Variants in RNGTT observed in about 807,000 individuals in gnomAD.
RNGTT encodes the protein RNA guanylyltransferase and 5'-phosphatase, also known as mRNA-capping enzyme.
Under a neutral mutation model 79.3 loss-of-function variants are expected in RNGTT, and 33 were observed. That is an observed-to-expected ratio of 0.42 (90% CI 0.32 to 0.56). RNGTT has a LOEUF of 0.56. RNGTT is among the 20% of genes least tolerant of loss of function. The pLI is 0.17. For synonymous variants in RNGTT, 222 were observed against 235.9 expected (o/e 0.94, Z 0.54); for missense variants, 497 against 739.1 (o/e 0.67, Z 3.80).
chr6:88,837,866 A>C (rs1781135207), intron 11 of RNGTT, among the ~76,000 whole-genome samples: 1 of 152,200 alleles, frequency 6.6e-6, no homozygotes, highest in East Asian at 1.9e-4. Context: ...AAACACCAGA[A>C]GCATTCCCAC....
In RNGTT at chr6:88,733,005, T is replaced by C. The variant is rs1777164538; in HGVS notation, c.1439+36769A>G. On this transcript the variant is annotated intron_variant, in intron 13 of 15. Coordinates refer to ENST00000369485, the MANE Select transcript of RNGTT (RefSeq NM_003800.5). ...AAAAAAATGAAGAAAGGAAATACAG[T>C]AAGTCAAATTCACTGCAAGAGAAAT... Among the ~76,000 whole-genome samples the C allele has an allele frequency of 2.6e-5, 4 of 152,312 alleles. No individual in the cohort carries two copies. In the South Asian group the frequency reaches 8.3e-4, roughly 32 times the overall value.
intron 13 of RNGTT, among the ~76,000 whole-genome samples, chr6:88,752,421 A>C (rs932119437): frequency 6.6e-6 from 1 of 152,168 alleles, no homozygotes; most frequent in Non-Finnish European, 1.5e-5. Context: ...CAATAAAAAT[A>C]TAGGAATTTC....
At chr6:88,777,562 T>A (rs926211652) in intron 12 of RNGTT, among the ~76,000 whole-genome samples, 13 of 152,212 alleles carry the variant, frequency 8.5e-5, no homozygotes, top group Non-Finnish European at 1.8e-4. Flanking sequence ...TTCTTTTTGA[T>A]GCTATTGTAA....
At chr6:88,673,043 C>T (rs961227587) in intron 14 of RNGTT, among the ~76,000 whole-genome samples, 1 of 152,128 alleles carries the variant, frequency 6.6e-6, no homozygotes, top group Non-Finnish European at 1.5e-5. Flanking sequence ...TCTTTCTTTT[C>T]TCTTTCTGAC....
intron 11 of RNGTT, among the ~76,000 whole-genome samples, chr6:88,802,651 G>A (rs1779828611): frequency 6.6e-6 from 1 of 152,126 alleles, no homozygotes; most frequent in South Asian, 2.1e-4. Flanking sequence ...ACATGGCTGG[G>A]GTGGCCTCAC....
At chr6:88,943,243 C>T (rs1363099906) in intron 1 of RNGTT, among the ~76,000 whole-genome samples, 1 of 152,210 alleles carries the variant, frequency 6.6e-6, no homozygotes, top group Non-Finnish European at 1.5e-5. Flanking sequence ...AATCTCAACT[C>T]TTAATACTCA....
intron 8 of RNGTT, among the ~76,000 whole-genome samples, chr6:88,868,984 A>G (rs1782270664): frequency 6.6e-6 from 1 of 152,328 alleles, no homozygotes; most frequent in South Asian, 2.1e-4. Flanking sequence ...TTTACCATAA[A>G]TATTTTACTA....
At chr6:88,617,094 C>G (rs1772257825) in intron 14 of RNGTT, among the ~76,000 whole-genome samples, 1 of 152,126 alleles carries the variant, frequency 6.6e-6, no homozygotes, top group Admixed American at 6.5e-5. Flanking sequence ...ACAGTGAAAC[C>G]CTGTCTCTAC....
intron 14 of RNGTT, among the ~76,000 whole-genome samples, chr6:88,630,104 A>G (rs1772795310): frequency 6.6e-6 from 1 of 152,172 alleles, no homozygotes; most frequent in Non-Finnish European, 1.5e-5. Flanking sequence ...CCAGTAGCAC[A>G]CTTGCTATAT....
intron 11 of RNGTT, among the ~76,000 whole-genome samples, chr6:88,810,767 A>T (rs1363195732): frequency 2.0e-5 from 3 of 152,220 alleles, no homozygotes; most frequent in African/African-American, 7.2e-5. Context: ...ATCCTAATGT[A>T]AGAAGTACTA....
rs1209065358 is a variant in RNGTT, at chr6:88,697,888, T to TACATA, written c.1440-19470_1440-19469insTATGT. Among the ~76,000 whole-genome samples, 21 of 82,180 alleles carry TACATA rather than the reference T, an allele frequency of 2.6e-4. No individual in the cohort carries two copies. In the African/African-American group the frequency reaches 3.4e-3, roughly 13 times the overall value. 53.9% of individuals were successfully genotyped at this position (82,180 alleles called of 152,430 possible). A position where few individuals can be genotyped will look rare whatever the true frequency, so the allele number is the denominator to read the frequency against. On this transcript the variant is annotated intron_variant, in intron 13 of 15. Transcript: ENST00000369485. ...CCTGTCTTGGAAAAAAATATATATATGATATATATATATGATATATATATG... is the reference window on the plus strand; with the variant it reads ...CCTGTCTTGGAAAAAAATATATATATACATAGATATATATATATGATATATATATG...
Position 88,682,722 on chromosome 6 carries a change from A to G in RNGTT, c.1440-4303T>C, listed in dbSNP as rs372896282. Among the ~76,000 whole-genome samples the G allele has an allele frequency of 5.3e-5, 8 of 152,290 alleles. No individual in the cohort carries two copies. The East Asian group carries it at 9.6e-4, about 18-fold the overall frequency. ...CCAGGTATTAAGCCCAGCATCCACTAGCTACTCTTCCTGATCCTCTCCTTC... is the reference window on the plus strand; with the variant it reads ...CCAGGTATTAAGCCCAGCATCCACTGGCTACTCTTCCTGATCCTCTCCTTC... On this transcript the variant is annotated intron_variant, in intron 13 of 15. Transcript: ENST00000369485.
intron 11 of RNGTT, among the ~76,000 whole-genome samples, chr6:88,808,802 T>C (rs1780043291): frequency 6.6e-6 from 1 of 151,874 alleles, no homozygotes; most frequent in Non-Finnish European, 1.5e-5. Flanking sequence ...GTCAAAACCA[T>C]AGTCAAAGCC....
chr6:88,667,633 C>T (rs73752992), intron 14 of RNGTT, among the ~76,000 whole-genome samples: 2 of 152,190 alleles, frequency 1.3e-5, no homozygotes, highest in South Asian at 2.1e-4. Flanking sequence ...TGAAGTAACC[C>T]GTGTGCTTCT....
At chr6:88,955,203 T>G (rs1785386328) in intron 1 of RNGTT, among the ~76,000 whole-genome samples, 1 of 151,980 alleles carries the variant, frequency 6.6e-6, no homozygotes, top group South Asian at 2.1e-4. Context: ...ACACAACCTA[T>G]CAAAACCTCT....
chr6:88,851,824 G>A (rs1313828093), intron 9 of RNGTT, among the ~76,000 whole-genome samples: 2 of 151,612 alleles, frequency 1.3e-5, no homozygotes, highest in African/African-American at 4.8e-5. Context: ...TATAATTCTA[G>A]CCCAAGTAAA....
rs146459137 is a variant in RNGTT at position 88,763,169 on chromosome 6, C to T, written c.1439+6605G>A. 6.0e-3 allele frequency among the ~76,000 whole-genome samples: 886 copies of T among 148,856 alleles called. 5 individuals carry two copies. The highest frequency in any genetic ancestry group is 0.017 in the Middle Eastern group (5 of 286). On this transcript the variant is annotated intron_variant, in intron 13 of 15. Transcript: ENST00000369485. ...GGTTGCCCAGGCTGGTCTCAAACTC[C>T]TGGACTCAAGCACTATGCCCACCTC...
intron 11 of RNGTT, among the ~76,000 whole-genome samples, chr6:88,828,650 T>G (rs1780749053): frequency 6.6e-6 from 1 of 151,402 alleles, no homozygotes; most frequent in Non-Finnish European, 1.5e-5. Flanking sequence ...TGAAAAAAGG[T>G]TAGAGGAATT....
intron 12 of RNGTT, among the ~76,000 whole-genome samples, chr6:88,777,162 T>C (rs927386607): frequency 1.3e-5 from 2 of 152,180 alleles, no homozygotes; most frequent in Admixed American, 6.5e-5. Context: ...CATACATGCT[T>C]GGGTTTATTT....
Sources: allele counts gnomAD v4.1 joint callset (sites outside exome capture counted in the v4.1 genomes callset), GRCh38; gene constraint gnomAD v4.1.1; transcripts MANE v1.5; gene names NCBI Gene and HGNC (gene_info 2026-07-23, HGNC 2026-07-21).